The following C12orf42 variants were observed in gnomAD, a reference collection of about 807,000 sequenced individuals.
C12orf42 encodes chromosome 12 open reading frame 42.
A neutral mutation model predicts 21.6 loss-of-function variants in C12orf42; 25 were observed. The observed-to-expected ratio is 1.16, with a 90% confidence interval of 0.84 to 1.62. The LOEUF is 1.62. Ranked by LOEUF, C12orf42 falls within the 40% of genes most tolerant of loss-of-function variation. C12orf42 has a pLI of 0.00. For synonymous variants in C12orf42, 174 were observed against 175.0 expected (o/e 0.99, Z 0.05); for missense variants, 483 against 459.3 (o/e 1.05, Z -0.47).
At chr12:103,225,312 G>A in the C12orf42 span, among the ~76,000 whole-genome samples, 1 of 152,172 alleles carries the variant, frequency 6.6e-6, no homozygotes, top group African/African-American at 2.4e-5. Flanking sequence ...TTTTAGGACA[G>A]GTAAAAATGG....
At chr12:103,123,940 A>G in the C12orf42 span, among the ~76,000 whole-genome samples, 4 of 152,042 alleles carry the variant, frequency 2.6e-5, no homozygotes, top group African/African-American at 9.7e-5. Context: ...ATTAAGCCAT[A>G]TAACACTTCA....
At chr12:103,198,019 G>A in the C12orf42 span, among the ~76,000 whole-genome samples, 5 of 152,340 alleles carry the variant, frequency 3.3e-5, no homozygotes, top group East Asian at 7.7e-4. Flanking sequence ...CACTGGGACA[G>A]AGGCAGCAGG....
At chr12:103,348,048 C>T (rs1020615481) in intron 4 of C12orf42, among the ~76,000 whole-genome samples, 9 of 151,934 alleles carry the variant, frequency 5.9e-5, no homozygotes, top group Admixed American at 3.9e-4. Context: ...CAGGGAGAAA[C>T]GAAATATATC....
the C12orf42 span, among the ~76,000 whole-genome samples, chr12:103,140,527 A>G: frequency 6.6e-6 from 1 of 152,152 alleles, no homozygotes; most frequent in Admixed American, 6.6e-5. Context: ...CAACACCGCA[A>G]AAGAGTCGGA....
exon 11 of C12orf42, chr12:103,237,603 T>C (rs1234034599): frequency 6.6e-6 from 1 of 152,184 alleles, no homozygotes; most frequent in African/African-American, 2.4e-5. Flanking sequence ...CAATAAAAAT[T>C]CATTTGTTTA....
the C12orf42 span, among the ~76,000 whole-genome samples, chr12:103,073,436 A>T: frequency 6.6e-6 from 1 of 152,302 alleles, no homozygotes; most frequent in African/African-American, 2.4e-5. Flanking sequence ...CTCCCAGACC[A>T]TACATTCTGT....
At chr12:103,328,879 T>C (rs745413713) in intron 4 of C12orf42, among the ~76,000 whole-genome samples, 4 of 152,230 alleles carry the variant, frequency 2.6e-5, no homozygotes, top group Non-Finnish European at 4.4e-5. Context: ...CTCTGTATTC[T>C]TGAACATTTC....
intron 10 of C12orf42, among the ~76,000 whole-genome samples, chr12:103,249,479 T>C (rs2034176456): frequency 6.6e-6 from 1 of 152,030 alleles, no homozygotes; most frequent in Non-Finnish European, 1.5e-5. Flanking sequence ...ACTAAAATAA[T>C]TTTAGTTTCA....
chr12:103,164,450 C>A, the C12orf42 span: 1 of 455,862 alleles, frequency 2.2e-6, no homozygotes. Flanking sequence ...AAGTTCTGAG[C>A]AAATAGGTGC....
chr12:103,377,927 A>G (rs1429187173), intron 3 of C12orf42, among the ~76,000 whole-genome samples: 1 of 152,160 alleles, frequency 6.6e-6, no homozygotes, highest in Non-Finnish European at 1.5e-5. Context: ...CTCACCTAGC[A>G]TAGTCTTCTC....
chr12:103,518,441 T>C, the C12orf42 span, among the ~76,000 whole-genome samples: 1 of 152,122 alleles, frequency 6.6e-6, no homozygotes, highest in Non-Finnish European at 1.5e-5. Flanking sequence ...GTGGACACCA[T>C]TGCCCCCGCC....
At chr12:103,475,452 TCAA>T (rs1311397414) in intron 2 of C12orf42, among the ~76,000 whole-genome samples, 2 of 152,206 alleles carry the variant, frequency 1.3e-5, no homozygotes, top group Non-Finnish European at 2.9e-5. Context: ...TAGAAAATGT[TCAA>T]CAATACCAGT....
At chr12:103,210,821 A>G in the C12orf42 span, among the ~76,000 whole-genome samples, 1 of 151,702 alleles carries the variant, frequency 6.6e-6, no homozygotes, top group East Asian at 1.9e-4. Flanking sequence ...AAATATACCT[A>G]GTATCCAACA....
the C12orf42 span, chr12:103,178,577 A>G: frequency 6.6e-6 from 1 of 152,174 alleles, no homozygotes; most frequent in East Asian, 1.9e-4. Context: ...AGCTGCTCTT[A>G]CACATTCAGA....
At chr12:103,277,035 A>C (rs942085689) in intron 5 of C12orf42, 1 of 423,670 alleles carries the variant, frequency 2.4e-6, no homozygotes. Flanking sequence ...TACAATAAAA[A>C]CACAGGAAAT....
the C12orf42 span, among the ~76,000 whole-genome samples, chr12:103,207,441 C>T: frequency 2.6e-5 from 4 of 152,200 alleles, no homozygotes; most frequent in South Asian, 2.1e-4. Context: ...AAAATGCGTG[C>T]GCACACACGT....
intron 4 of C12orf42, among the ~76,000 whole-genome samples, chr12:103,296,255 G>T (rs1313084861): frequency 6.6e-6 from 1 of 151,896 alleles, no homozygotes; most frequent in Non-Finnish European, 1.5e-5. Context: ...TCTTAATTCA[G>T]TCTATCATTG....
At chr12:103,551,569 C>A in the C12orf42 span, among the ~76,000 whole-genome samples, 1 of 152,120 alleles carries the variant, frequency 6.6e-6, no homozygotes, top group African/African-American at 2.4e-5. Context: ...GTAATCCCAG[C>A]ACTTTGGGAG....
intron 4 of C12orf42, among the ~76,000 whole-genome samples, chr12:103,334,847 T>C (rs1316899219): frequency 6.6e-6 from 1 of 152,214 alleles, no homozygotes; most frequent in Non-Finnish European, 1.5e-5. Context: ...AAATGTCCGC[T>C]TCATTGCCAA....
Sources: allele counts gnomAD v4.1 joint callset (sites outside exome capture counted in the v4.1 genomes callset), GRCh38; gene constraint gnomAD v4.1.1; transcripts MANE v1.5; gene names NCBI Gene and HGNC (gene_info 2026-07-23, HGNC 2026-07-21).